The following MAGI1 variants were observed in gnomAD, a reference collection of about 807,000 sequenced individuals.
MAGI1 encodes membrane-associated guanylate kinase, WW and PDZ domain-containing protein 1.
In MAGI1, 58 loss-of-function variants were observed where a neutral mutation model predicts 139.9. The ratio of observed to expected loss-of-function variants is 0.41; its 90% CI spans 0.34 to 0.52. The LOEUF is 0.52. Among genes scored for constraint, MAGI1 ranks in the 20% least tolerant of loss-of-function variants. The pLI is 0.12. For missense variants in MAGI1, 1,874 were observed against 1,901.6 expected (o/e 0.99, Z 0.27); for synonymous variants, 812 against 737.9 (o/e 1.10, Z -1.63).
intron 2 of MAGI1, among the ~76,000 whole-genome samples, chr3:65,515,229 C>T (rs1257571803): frequency 3.5e-5 from 5 of 144,248 alleles, no homozygotes; most frequent in Non-Finnish European, 1.5e-5. Context: ...TTAGTGGGTG[C>T]AGCACACCAG....
At chr3:65,510,139 C>T (rs1183750243) in intron 2 of MAGI1, among the ~76,000 whole-genome samples, 1 of 152,282 alleles carries the variant, frequency 6.6e-6, no homozygotes, top group Non-Finnish European at 1.5e-5. Context: ...ACACCCACAC[C>T]AAAAACCCAT....
At chr3:65,741,665 C>A (rs2035285626) in intron 1 of MAGI1, among the ~76,000 whole-genome samples, 1 of 152,186 alleles carries the variant, frequency 6.6e-6, no homozygotes, top group Non-Finnish European at 1.5e-5. Context: ...TGAGAAGACT[C>A]ATTTTAAACC....
At chr3:65,588,336 G>A (rs982282899) in intron 2 of MAGI1, among the ~76,000 whole-genome samples, 6 of 152,104 alleles carry the variant, frequency 3.9e-5, no homozygotes, top group Admixed American at 2.0e-4. Flanking sequence ...CCCCATTAAG[G>A]TGGAGCGTTT....
chr3:65,621,777 G>A (rs993002696), intron 2 of MAGI1, among the ~76,000 whole-genome samples, 195 bp downstream of exon 2: 1 of 152,052 alleles, frequency 6.6e-6, no homozygotes, highest in African/African-American at 2.4e-5. Context: ...GCCCCACATT[G>A]CAGAGCCATG....
intron 12 of MAGI1, among the ~76,000 whole-genome samples, chr3:65,416,575 C>T (rs1163371079): frequency 6.6e-6 from 1 of 152,108 alleles, no homozygotes; most frequent in Non-Finnish European, 1.5e-5. Context: ...TAGCACGGTG[C>T]TAAAGTTTGT....
chr3:65,976,538 C>T (rs1447594840), intron 1 of MAGI1, among the ~76,000 whole-genome samples: 1 of 152,052 alleles, frequency 6.6e-6, no homozygotes, highest in Non-Finnish European at 1.5e-5. Flanking sequence ...GGCTGCAACA[C>T]GAGAATCACT....
rs187166328 is a variant in MAGI1, at chr3:65,896,328, T to C, written c.313+141668A>G. On this transcript the variant is annotated intron_variant, in intron 1 of 22. Transcript: ENST00000402939. ...AAAAAAAAAAGTACAACCATGCCCA[T>C]GGCTGACAGGAAGGTTATCAATCGA... Among the ~76,000 whole-genome samples, 15 of 150,014 alleles carry C rather than the reference T, an allele frequency of 1.0e-4. No individual in the cohort carries two copies. The East Asian group carries it at 3.0e-3, about 30-fold the overall frequency.
intron 1 of MAGI1, among the ~76,000 whole-genome samples, chr3:65,893,309 A>C (rs2060839728): frequency 6.6e-6 from 1 of 152,130 alleles, no homozygotes; most frequent in Non-Finnish European, 1.5e-5. Flanking sequence ...GCAGATACTA[A>C]CATCAGATTT....
chr3:65,467,682 C>A (rs1206884916), intron 5 of MAGI1, among the ~76,000 whole-genome samples: 1 of 152,214 alleles, frequency 6.6e-6, no homozygotes, highest in East Asian at 1.9e-4. Context: ...ATCAAGATAT[C>A]CACCTTCCCT....
At chr3:65,677,721 C>T (rs1021486546) in intron 1 of MAGI1, among the ~76,000 whole-genome samples, 7 of 152,186 alleles carry the variant, frequency 4.6e-5, no homozygotes, top group Non-Finnish European at 1.0e-4. Flanking sequence ...TTCGTATCCA[C>T]GTCAAAGGTC....
chr3:65,931,885 G>A (rs749617893), intron 1 of MAGI1, among the ~76,000 whole-genome samples: 1 of 152,076 alleles, frequency 6.6e-6, no homozygotes, highest in South Asian at 2.1e-4. Flanking sequence ...AAGGGTAAGT[G>A]TATACGCCAA....
intron 1 of MAGI1, among the ~76,000 whole-genome samples, chr3:65,869,355 C>T (rs2059843317): frequency 6.7e-6 from 1 of 149,296 alleles, no homozygotes; most frequent in Non-Finnish European, 1.5e-5. Context: ...ATCCCAAAGG[C>T]AAGACTGGTT....
Position 65,498,934 on chromosome 3 carries a change from G to C in MAGI1, c.431-5303C>G, listed in dbSNP as rs750440350. ...ACAGCTCTCAACCATGAGAATATCT[G>C]AGTTGCCTTCATTACACTACATCCA... is the stretch of plus-strand genomic sequence containing the variant. On this transcript the variant is annotated intron_variant, in intron 2 of 22. Transcript: ENST00000402939. 68 of 861,940 alleles carry C rather than the reference G, an allele frequency of 7.9e-5. 1 individual carries two copies. The South Asian group carries it at 3.4e-3, about 43-fold the overall frequency. 53.4% of individuals were successfully genotyped at this position (861,940 alleles called of 1,614,324 possible). A position where few individuals can be genotyped will look rare whatever the true frequency, so the allele number is the denominator to read the frequency against.
At chr3:65,891,918 A>G (rs968301171) in intron 1 of MAGI1, among the ~76,000 whole-genome samples, 1 of 103,678 alleles carries the variant, frequency 9.6e-6, no homozygotes, top group Non-Finnish European at 1.9e-5. Context: ...ATATATATAT[A>G]TATATATATA....
At chr3:65,908,523 A>AGGCGGG (rs2061529666) in intron 1 of MAGI1, among the ~76,000 whole-genome samples, 3 of 152,238 alleles carry the variant, frequency 2.0e-5, no homozygotes, top group African/African-American at 7.2e-5. Context: ...TGACTTCGTG[A>AGGCGGG]TCCACCCGCC....
intron 1 of MAGI1, among the ~76,000 whole-genome samples, chr3:65,800,011 T>A (rs139390592): frequency 6.4e-4 from 98 of 152,346 alleles, no homozygotes; most frequent in African/African-American, 2.3e-3. Context: ...TCAGACTTCC[T>A]GAAGGTTCCG....
At chr3:65,401,659 G>A in intron 12 of MAGI1, 189 bp from the exon 13 acceptor site, 2 of 1,545,832 alleles carry the variant, frequency 1.3e-6, no homozygotes, top group Non-Finnish European at 1.7e-6. Context: ...GAGGAGGAGA[G>A]CGAGAGGCAG....
chr3:65,443,847 T>C (rs376623063), intron 7 of MAGI1, among the ~76,000 whole-genome samples: 2 of 152,222 alleles, frequency 1.3e-5, no homozygotes, highest in African/African-American at 4.8e-5. Context: ...GATAGAATAC[T>C]ACAAACTTGA....
chr3:66,027,029 G>A (rs1484254157), intron 1 of MAGI1, among the ~76,000 whole-genome samples: 3 of 151,766 alleles, frequency 2.0e-5, no homozygotes, highest in Admixed American at 2.0e-4. Context: ...CAGCACTTTG[G>A]GAGGCCGAGG....
Sources: allele counts gnomAD v4.1 joint callset (sites outside exome capture counted in the v4.1 genomes callset), GRCh38; gene constraint gnomAD v4.1.1; transcripts MANE v1.5; gene names NCBI Gene and HGNC (gene_info 2026-07-23, HGNC 2026-07-21).